TRMT5: variants seen among roughly 807,000 people sequenced by gnomAD.
TRMT5 encodes the protein tRNA methyltransferase 5.
TRMT5 carries 31 observed loss-of-function variants against 42.2 expected under a neutral mutation model. That is an observed-to-expected ratio of 0.73 (90% CI 0.55 to 0.99). The LOEUF is 0.99. TRMT5 is among the 50% of genes least tolerant of loss of function. The probability of loss-of-function intolerance (pLI) is 0.00; values close to 1 mark genes in which losing one functional copy is unlikely to be tolerated. For synonymous variants in TRMT5, 198 were observed against 209.6 expected (o/e 0.94, Z 0.48); for missense variants, 568 against 595.0 (o/e 0.95, Z 0.47).
In TRMT5 at chr14:60,975,586, C is replaced by T. The variant is rs1299374217; in HGVS notation, c.1333G>A (p.Ala445Thr). ...CTTACCAGGTGAACTGAACTGCATG[C>T]CTCCAGAGAAATGCCTAACACAGCT... ...AGAVLGISLE[A>T]CSSVHLVRNV... is the part of the protein sequence containing the mutation. The change falls in exon 4 of 5, where the codon GCA (alanine) becomes ACA (threonine). Residue 445 changes from alanine to threonine, a missense_variant. Ala to Thr is a moderately conservative substitution (Grantham distance 58). Coordinates refer to ENST00000261249, the MANE Select transcript of TRMT5 (RefSeq NM_020810.3). 1.9e-6 allele frequency: 3 copies of T among 1,614,058 alleles called. No homozygotes were observed. Among genetic ancestry groups the T allele is most frequent in the Non-Finnish European group, 2.5e-6 (3 of 1,180,042 alleles).
chr14:60,979,675 G>T lies in TRMT5; in HGVS notation c.223C>A (p.Pro75Thr). 6.2e-7 allele frequency: 1 copy of T among 1,614,078 alleles called. No individual in the cohort carries two copies. The highest frequency in any genetic ancestry group is 8.5e-7 in the Non-Finnish European group (1 of 1,180,018). The change falls in exon 2 of 5, where the codon CCA becomes ACA. Residue 75 changes from proline (P) to threonine (T), a missense_variant. Physicochemically the swap from Pro to Thr is conservative, Grantham distance 38. Coordinates refer to ENST00000261249, the MANE Select transcript of TRMT5 (RefSeq NM_020810.3). ...GTCATGCCTCGGACATCAGAAGGTG[G>T]TGAAAACAATTCAGTCTCTCTCTCA... is the stretch of plus-strand genomic sequence containing the variant. ...THERETELFSPPSDVRGMTKL... is the reference protein window; with the variant it reads ...THERETELFSTPSDVRGMTKL...
chr14:60,981,531 CGAGA>C (rs2037020628), upstream of TRMT5: 1 of 1,531,922 alleles, frequency 6.5e-7, no homozygotes, highest in Admixed American at 2.0e-5. Context: ...AGGCAGCCGC[CGAGA>C]TTCAGATGAG....
rs1312048755 is a variant in TRMT5, at chr14:60,979,745, C to T, written c.153G>A (p.Leu51=). 4 of 1,613,834 alleles carry T rather than the reference C, an allele frequency of 2.5e-6. No homozygotes were observed. Among genetic ancestry groups the T allele is most frequent in the Non-Finnish European group, 3.4e-6 (4 of 1,179,992 alleles). Residue 51 remains leucine, a synonymous_variant, in exon 2 of 5, where the codon TTG becomes TTA. Coordinates refer to ENST00000261249, the MANE Select transcript of TRMT5 (RefSeq NM_020810.3). ...TGGTTGAGAATCTTTTTCTTTGACC[C>T]AATAAGAAAATACCAGGTGCTTCCA... ...MLLEAPGIFL[L]GQRKRFSTMP...
In TRMT5 at chr14:60,975,758, G is replaced by A; in HGVS notation, c.1161C>T (p.Asn387=). 6.2e-7 allele frequency: 1 copy of A among 1,614,226 alleles called. No homozygotes were observed. Among genetic ancestry groups the A allele is most frequent in the Non-Finnish European group, 8.5e-7 (1 of 1,180,040 alleles). ...ERKPSVHVVM[N]LPAKAIEFLS... The stretch of plus-strand genomic sequence containing the variant: ...GAAACTCTATAGCTTTTGCTGGCAA[G>A]TTCATGACAACGTGCACAGAGGGTT... Residue 387 remains asparagine (N), a synonymous_variant, in exon 4 of 5, where the codon AAC becomes AAT. Coordinates refer to ENST00000261249, the MANE Select transcript of TRMT5 (RefSeq NM_020810.3).
Position 60,979,618 on chromosome 14 carries a change from C to T in TRMT5, c.280G>A (p.Val94Ile), listed in dbSNP as rs1347665061. The change falls in exon 2 of 5, where the codon GTC becomes ATC. Residue 94 changes from valine (V) to isoleucine (I), a missense_variant. Coordinates refer to ENST00000261249, the MANE Select transcript of TRMT5 (RefSeq NM_020810.3). ...CTCACTTTAAGCACTGGAATGTTGA[C>T]TGTCTTTTTAAAAGCTGTTCTATCA... ...KLDRTAFKKT[V>I]NIPVLKVRKE... 6.2e-7 allele frequency: 1 copy of T among 1,614,092 alleles called. No individual in the cohort carries two copies. Among genetic ancestry groups the T allele is most frequent in the Admixed American group, 1.7e-5 (1 of 59,994 alleles).
Position 60,975,031 on chromosome 14 carries a change from C to A in TRMT5, c.*78G>T. Reference sequence around the variant, plus strand: ...AAGGGTTCAATAGTAAAAACCAAACCCTAAAATTTTATTAAATAATACAAA... The same window carrying A: ...AAGGGTTCAATAGTAAAAACCAAACACTAAAATTTTATTAAATAATACAAA... On this transcript the variant is annotated 3_prime_UTR_variant, in exon 5 of 5. Transcript: ENST00000261249. 1 of 1,236,794 alleles carries A rather than the reference C, an allele frequency of 8.1e-7. No homozygotes were observed. Among genetic ancestry groups the A allele is most frequent in the Non-Finnish European group, 1.1e-6 (1 of 897,116 alleles). The allele number at this position is 1,236,794 out of a possible 1,614,324, so 76.6% of individuals were successfully genotyped here.
Position 60,975,489 on chromosome 14 carries a change from T to C in TRMT5, c.1430A>G (p.Gln477Arg). ...QIPASVLYKN[Q>R]TRNPENHEDP... is the part of the protein sequence containing the mutation. ...AAACTGCTCACCTGGATTTCTGGTC[T>C]GGTTCTTGTAGAGGACAGAGGCAGG... The change falls in exon 4 of 5, where the codon CAG becomes CGG. Residue 477 changes from glutamine to arginine, a missense_variant. Gln to Arg is a conservative substitution (Grantham distance 43, BLOSUM62 1). Coordinates refer to ENST00000261249, the MANE Select transcript of TRMT5 (RefSeq NM_020810.3). 6.2e-7 allele frequency: 1 copy of C among 1,608,650 alleles called. No individual in the cohort carries two copies. Among genetic ancestry groups the C allele is most frequent in the South Asian group, 1.1e-5 (1 of 90,798 alleles).
rs1887742 is a variant in TRMT5, at chr14:60,973,465, T to C, written c.*1644A>G. 6.6e-6 allele frequency: 1 copy of C among 152,110 alleles called. No homozygotes were observed. The highest frequency in any genetic ancestry group is 2.4e-5 in the African/African-American group (1 of 41,340). The allele number at this position is 152,110 out of a possible 1,614,324, so 9.4% of individuals were successfully genotyped here. On this transcript the variant is annotated 3_prime_UTR_variant, in exon 5 of 5. Transcript: ENST00000261249. The stretch of plus-strand genomic sequence containing the variant: ...CAACAAGATCTCATAACTCATTATC[T>C]TAAGGACACCACCAAGGGGATAGTG...
Position 60,981,033 on chromosome 14 carries a change from C to T in TRMT5, c.-60G>A. 6.2e-7 allele frequency: 1 copy of T among 1,610,152 alleles called. No homozygotes were observed. The highest frequency in any genetic ancestry group is 8.5e-7 in the Non-Finnish European group (1 of 1,180,008). On this transcript the variant is annotated 5_prime_UTR_variant, in exon 1 of 5. Transcript: ENST00000261249. ...CGAGCCGACCCCTCACCTCCCGCTC[C>T]GGTACCGATCGGATGTGGGTCGCGG...
chr14:60,975,043 T>C lies in TRMT5; in HGVS notation c.*66A>G. 7.5e-7 allele frequency: 1 copy of C among 1,333,094 alleles called. No individual in the cohort carries two copies. The highest frequency in any genetic ancestry group is 1.4e-5 in the South Asian group (1 of 70,454). 82.6% of individuals were successfully genotyped at this position (1,333,094 alleles called of 1,614,324 possible). ...GTAAAAACCAAACCCTAAAATTTTATTAAATAATACAAATTCTATTTCACT... is the reference window on the plus strand; with the variant it reads ...GTAAAAACCAAACCCTAAAATTTTACTAAATAATACAAATTCTATTTCACT... On this transcript the variant is annotated 3_prime_UTR_variant, in exon 5 of 5. Transcript: ENST00000261249.
In TRMT5 at chr14:60,975,524, C is replaced by T. The variant is rs1327894092; in HGVS notation, c.1395G>A (p.Thr465=). The T allele has an allele frequency of 5.6e-6, 9 of 1,614,076 alleles. No homozygotes were observed. The highest frequency in any genetic ancestry group is 2.7e-5 in the African/African-American group (2 of 74,918). The stretch of plus-strand genomic sequence containing the variant: ...AGAGGACAGAGGCAGGAATCTGAAA[C>T]GTGATGCACAGCATTTCCTTGTTTG... ...VAPNKEMLCI[T]FQIPASVLYK... Residue 465 remains threonine (T), a synonymous_variant, in exon 4 of 5, where the codon ACG becomes ACA. Transcript: ENST00000261249.
Position 60,977,572 on chromosome 14 carries a change from T to C in TRMT5, c.734A>G (p.Asn245Ser), listed in dbSNP as rs115310871. Residue 245 changes from asparagine (N) to serine (S), a missense_variant, in exon 3 of 5, where the codon AAT (asparagine) becomes AGT (serine). By Grantham distance (46) the Asn-to-Ser change is conservative. Transcript: ENST00000261249. ...TTCCATTTGGAAATTTCGGTACATA[T>C]TGTCAATATTATTTATTTTATTTAC... ...SAVNKINNID[N>S]MYRNFQMEVL... is the part of the protein sequence containing the mutation. 4.3e-6 allele frequency: 7 copies of C among 1,611,246 alleles called. No individual in the cohort carries two copies. The East Asian group carries it at 6.7e-5, about 15-fold the overall frequency.
intron 2 of TRMT5, 117 bp from the exon 3 acceptor site, chr14:60,977,755 A>G (rs2036865813): frequency 1.0e-6 from 1 of 996,924 alleles, no homozygotes; most frequent in East Asian, 2.7e-5. Flanking sequence ...GACTGCACCT[A>G]CTGTGTGTAA....
In TRMT5 at chr14:60,974,909, G is replaced by A. The variant is rs2036822151; in HGVS notation, c.*200C>T. The A allele has an allele frequency of 3.0e-6, 1 of 331,028 alleles. No homozygotes were observed. The highest frequency in any genetic ancestry group is 2.2e-5 in the African/African-American group (1 of 46,362). The allele number at this position is 331,028 out of a possible 1,614,324, so 20.5% of individuals were successfully genotyped here. A position where few individuals can be genotyped will look rare whatever the true frequency, so the allele number is the denominator to read the frequency against. On this transcript the variant is annotated 3_prime_UTR_variant, in exon 5 of 5. Coordinates refer to ENST00000261249, the MANE Select transcript of TRMT5 (RefSeq NM_020810.3). ...AGATATATTTTGTTATAAAATAATTGTATGTTATAATTTAGATAACAGGGA... is the reference window on the plus strand; with the variant it reads ...AGATATATTTTGTTATAAAATAATTATATGTTATAATTTAGATAACAGGGA...
upstream of TRMT5, chr14:60,981,514 G>C (rs1304606776): frequency 2.0e-6 from 3 of 1,534,020 alleles, no homozygotes; most frequent in Non-Finnish European, 2.6e-6. Context: ...TGGGGGATGG[G>C]GTCTGAAGGC....
Position 60,974,963 on chromosome 14 carries a change from A to C in TRMT5, c.*146T>G, listed in dbSNP as rs1594924605. 4.2e-6 allele frequency: 2 copies of C among 472,432 alleles called. No homozygotes were observed. Among genetic ancestry groups the C allele is most frequent in the East Asian group, 7.0e-5 (2 of 28,748 alleles). The allele number at this position is 472,432 out of a possible 1,614,324, so 29.3% of individuals were successfully genotyped here. A position where few individuals can be genotyped will look rare whatever the true frequency, so the allele number is the denominator to read the frequency against. On this transcript the variant is annotated 3_prime_UTR_variant, in exon 5 of 5. Transcript: ENST00000261249. ...TATTTGGTAGCCTTAGTTCAGTTAA[A>C]GTTTAATTGGTAATCCTCAATTTGT...
chr14:60,975,405 T>A (rs761814709), intron 4 of TRMT5, 70 bp downstream of exon 4: 14 of 1,550,064 alleles, frequency 9.0e-6, no homozygotes, highest in Non-Finnish European at 1.2e-5. Context: ...CATTAAAATT[T>A]GTAAAACTGG....
rs1006963737 is a variant in TRMT5 at position 60,976,126 on chromosome 14, C to T, written c.793G>A (p.Val265Ile). Residue 265 changes from valine to isoleucine, a missense_variant and splice_region_variant, in exon 4 of 5, where the codon GTT (valine) becomes ATT (isoleucine). Val to Ile is a conservative substitution (Grantham distance 29). Transcript: ENST00000261249. ...LSGEQNMMTK[V>I]RENNYTYEFD... ...TCATAGGTGTAGTTGTTTTCTCGAA[C>T]CTGAAAAAAGGTGTTATGCTTTTTG... 3 of 1,596,608 alleles carry T rather than the reference C, an allele frequency of 1.9e-6. No individual in the cohort carries two copies. The highest frequency in any genetic ancestry group is 8.5e-7 in the Non-Finnish European group (1 of 1,172,550).
At chr14:60,975,364 A>G in intron 4 of TRMT5, 111 bp downstream of exon 4, 19 of 1,409,880 alleles carry the variant, frequency 1.3e-5, no homozygotes, top group Non-Finnish European at 1.7e-5. Flanking sequence ...GAACTAACAC[A>G]GTAGCTTTCT....
Sources: allele counts gnomAD v4.1 joint callset, GRCh38; gene constraint gnomAD v4.1.1; transcripts MANE v1.5; gene names NCBI Gene and HGNC (gene_info 2026-07-23, HGNC 2026-07-21).